FARS2: variants seen among roughly 807,000 people sequenced by gnomAD.
The protein encoded by FARS2 is phenylalanyl-tRNA synthetase 2, mitochondrial, also known as phenylalanine--tRNA ligase, mitochondrial.
Under a neutral mutation model 46.4 loss-of-function variants are expected in FARS2, and 40 were observed. The ratio of observed to expected loss-of-function variants is 0.86; its 90% confidence interval spans 0.67 to 1.12. The LOEUF is 1.12. Among genes scored for constraint, FARS2 ranks in the 50% most tolerant of loss-of-function variants. FARS2 has a pLI of 0.00. For missense variants in FARS2, 513 were observed against 567.9 expected (o/e 0.90, Z 0.98); for synonymous variants, 234 against 214.9 (o/e 1.09, Z -0.78).
At chr6:5,549,906 A>C (rs1771269562) in intron 5 of FARS2, among the ~76,000 whole-genome samples, 1 of 152,152 alleles carries the variant, frequency 6.6e-6, no homozygotes, top group Non-Finnish European at 1.5e-5. Flanking sequence ...TTGCAAAATC[A>C]ACTCAAAATC....
At chr6:5,292,802 A>G (rs908003573) in intron 1 of FARS2, among the ~76,000 whole-genome samples, 1 of 152,144 alleles carries the variant, frequency 6.6e-6, no homozygotes, top group African/African-American at 2.4e-5. Flanking sequence ...GGTAGATGAG[A>G]CCAAAAAAGG....
At chr6:5,674,199 A>AAG (rs1487963141) in intron 6 of FARS2, among the ~76,000 whole-genome samples, 1 of 149,210 alleles carries the variant, frequency 6.7e-6, no homozygotes, top group Non-Finnish European at 1.5e-5. Flanking sequence ...TCATTAAAAA[A>AAG]AAAAAAAAAA....
At chr6:5,473,972 A>G (rs1765962190) in intron 4 of FARS2, among the ~76,000 whole-genome samples, 2 of 152,320 alleles carry the variant, frequency 1.3e-5, no homozygotes, top group Non-Finnish European at 2.9e-5. Flanking sequence ...AACCCAGTCT[A>G]TCCATGAATG....
At chr6:5,520,906 T>C (rs976339912) in intron 4 of FARS2, among the ~76,000 whole-genome samples, 1 of 152,170 alleles carries the variant, frequency 6.6e-6, no homozygotes, top group South Asian at 2.1e-4. Flanking sequence ...TGGATTTCAA[T>C]TGGTTGCTGA....
intron 4 of FARS2, among the ~76,000 whole-genome samples, chr6:5,517,133 T>C (rs187711116): frequency 5.3e-5 from 8 of 152,224 alleles, no homozygotes; most frequent in African/African-American, 1.4e-4. Flanking sequence ...CTGAGCTGAA[T>C]TTCAAAGAAT....
chr6:5,634,945 T>A (rs888328979), intron 6 of FARS2, among the ~76,000 whole-genome samples: 1 of 152,222 alleles, frequency 6.6e-6, no homozygotes, highest in Non-Finnish European at 1.5e-5. Context: ...TCTTATTTCT[T>A]AATGTGTCCT....
At chr6:5,393,269 T>G (rs1422191606) in intron 2 of FARS2, among the ~76,000 whole-genome samples, 1 of 151,800 alleles carries the variant, frequency 6.6e-6, no homozygotes, top group East Asian at 1.9e-4. Context: ...TCCCACAGAT[T>G]TGGATTCCAT....
chr6:5,518,919 A>G (rs1437331807), intron 4 of FARS2, among the ~76,000 whole-genome samples: 2 of 152,212 alleles, frequency 1.3e-5, no homozygotes, highest in African/African-American at 4.8e-5. Context: ...CAGCACTTGC[A>G]ATTTTGTTGA....
At chr6:5,532,312 G>C (rs887502766) in intron 4 of FARS2, among the ~76,000 whole-genome samples, 1 of 152,168 alleles carries the variant, frequency 6.6e-6, no homozygotes, top group African/African-American at 2.4e-5. Flanking sequence ...ATAAATTCAA[G>C]TCCCAATGTT....
chr6:5,710,632 A>G (rs539655243), intron 6 of FARS2, among the ~76,000 whole-genome samples: 1 of 152,344 alleles, frequency 6.6e-6, no homozygotes, highest in Non-Finnish European at 1.5e-5. Context: ...TCAATTCACA[A>G]GACAGAGATA....
intron 1 of FARS2, among the ~76,000 whole-genome samples, chr6:5,334,856 ATAT>A (rs1771048619): frequency 6.6e-6 from 1 of 152,224 alleles, no homozygotes; most frequent in Non-Finnish European, 1.5e-5. Context: ...AGGAATAAAA[ATAT>A]TATTCTGTCA....
At chr6:5,466,932 C>G (rs2150312507) in intron 4 of FARS2, 2 of 985,424 alleles carry the variant, frequency 2.0e-6, no homozygotes, top group Non-Finnish European at 2.4e-6. Flanking sequence ...AGTGACTTCT[C>G]TCTTTACTAG....
At chr6:5,317,023 A>T (rs976183863) in intron 1 of FARS2, among the ~76,000 whole-genome samples, 12 of 151,938 alleles carry the variant, frequency 7.9e-5, no homozygotes, top group African/African-American at 2.9e-4. Flanking sequence ...CTCCTGTCAC[A>T]CTCACCTCCT....
intron 6 of FARS2, among the ~76,000 whole-genome samples, chr6:5,716,617 C>T (rs924098295): frequency 3.9e-5 from 6 of 152,202 alleles, no homozygotes; most frequent in African/African-American, 1.4e-4. Flanking sequence ...GGCTCCATCT[C>T]ACCAGACTGC....
intron 6 of FARS2, among the ~76,000 whole-genome samples, chr6:5,699,242 C>A (rs1355852161): frequency 6.6e-6 from 1 of 152,204 alleles, no homozygotes; most frequent in Non-Finnish European, 1.5e-5. Context: ...TCATTAACTT[C>A]TTTAATGGTC....
chr6:5,367,546 G>A (rs1581900099), intron 1 of FARS2, among the ~76,000 whole-genome samples: 2 of 151,768 alleles, frequency 1.3e-5, no homozygotes, highest in Middle Eastern at 6.8e-3. Context: ...TTAGAGTTTT[G>A]CCAGTTATAC....
chr6:5,724,149 A>T (rs561917740), intron 6 of FARS2, among the ~76,000 whole-genome samples: 3 of 152,288 alleles, frequency 2.0e-5, no homozygotes, highest in African/African-American at 7.2e-5. Context: ...AATCTGCGCC[A>T]TTAGGCAGCT....
At chr6:5,508,525 G>A (rs1561672344) in intron 4 of FARS2, among the ~76,000 whole-genome samples, 1 of 152,030 alleles carries the variant, frequency 6.6e-6, no homozygotes, top group Admixed American at 6.6e-5. Flanking sequence ...GGAAAGGGGA[G>A]CAGAGTGCTG....
At chr6:5,300,427 T>C (rs1021739715) in intron 1 of FARS2, among the ~76,000 whole-genome samples, 2 of 152,198 alleles carry the variant, frequency 1.3e-5, no homozygotes, top group East Asian at 1.9e-4. Flanking sequence ...CTTATTTTGT[T>C]TTTTTTCAAA....
Sources: allele counts gnomAD v4.1 joint callset (sites outside exome capture counted in the v4.1 genomes callset), GRCh38; gene constraint gnomAD v4.1.1; transcripts MANE v1.5; gene names NCBI Gene and HGNC (gene_info 2026-07-23, HGNC 2026-07-21).